LRP11: variants seen among roughly 807,000 people sequenced by gnomAD.
The protein encoded by LRP11 is low-density lipoprotein receptor-related protein 11.
LRP11 carries 25 observed loss-of-function variants against 43.1 expected under a neutral mutation model. The observed-to-expected ratio is 0.58, with a 90% CI of 0.42 to 0.81. LRP11 has a LOEUF of 0.81. Among genes scored for constraint, LRP11 ranks in the 30% least tolerant of loss-of-function variants. LRP11 has a pLI of 0.00. For missense variants in LRP11, 623 were observed against 665.1 expected, an observed-to-expected ratio of 0.94 and a Z score of 0.70; for synonymous variants, 316 against 299.4, an observed-to-expected ratio of 1.06 and a Z score of -0.57.
At chr6:149,861,243 C>T (rs1776888591) in intron 1 of LRP11, among the ~76,000 whole-genome samples, 1 of 152,152 alleles carries the variant, frequency 6.6e-6, no homozygotes, top group Non-Finnish European at 1.5e-5. Context: ...ACACACAGGA[C>T]ACTGGGGAAC....
At chr6:149,853,216 T>C (rs1776749717) in intron 1 of LRP11, 56 bp from the exon 2 acceptor site, 3 of 1,422,272 alleles carry the variant, frequency 2.1e-6, no homozygotes, top group Admixed American at 2.4e-5. Context: ...TTCTAATTTA[T>C]GGAGAGGTAT....
Position 149,863,591 on chromosome 6 carries a change from C to G in LRP11, c.430G>C (p.Val144Leu). The change falls in exon 1 of 7, where the codon GTG becomes CTG. Residue 144 changes from valine to leucine, a missense_variant. Val to Leu is a conservative substitution (Grantham distance 32). Coordinates refer to ENST00000239367, the MANE Select transcript of LRP11 (RefSeq NM_032832.6). ...GCGGGGCGCCGGGGCAGCTCCACCACGGCCACGGAGCAGCGCGGCTCGGAG... is the reference window on the plus strand; with the variant it reads ...GCGGGGCGCCGGGGCAGCTCCACCAGGGCCACGGAGCAGCGCGGCTCGGAG... The part of the protein sequence containing the change: ...CCSEPRCSVA[V>L]VELPRRPAPP... 4 of 1,426,070 alleles carry G rather than the reference C, an allele frequency of 2.8e-6. No individual in the cohort carries two copies. The highest frequency in any genetic ancestry group is 3.7e-6 in the Non-Finnish European group (4 of 1,094,986). 88.3% of individuals were successfully genotyped at this position (1,426,070 alleles called of 1,614,324 possible). A position where few individuals can be genotyped will look rare whatever the true frequency, so the allele number is the denominator to read the frequency against.
At chr6:149,848,554 AAAC>A (rs1409839194) in intron 2 of LRP11, among the ~76,000 whole-genome samples, 7 of 152,236 alleles carry the variant, frequency 4.6e-5, no homozygotes, top group African/African-American at 1.4e-4. Context: ...CAGCCATACA[AAAC>A]AACAAGATCA....
chr6:149,860,254 G>C (rs985047726), intron 1 of LRP11, among the ~76,000 whole-genome samples: 1 of 152,144 alleles, frequency 6.6e-6, no homozygotes, highest in Non-Finnish European at 1.5e-5. Flanking sequence ...CACAAGGCAA[G>C]GGGCCCACTT....
At chr6:149,841,573 T>A (rs1471997337) in intron 3 of LRP11, among the ~76,000 whole-genome samples, 3 of 152,196 alleles carry the variant, frequency 2.0e-5, no homozygotes, top group Non-Finnish European at 4.4e-5. Context: ...CTAAGTTCCA[T>A]GCAATGGATA....
intron 5 of LRP11, among the ~76,000 whole-genome samples, chr6:149,833,442 A>G (rs1776434534): frequency 6.6e-6 from 1 of 152,154 alleles, no homozygotes; most frequent in African/African-American, 2.4e-5. Flanking sequence ...GGACTTTCAA[A>G]AAGTGTGTTT....
chr6:149,849,936 A>G (rs1776694544), intron 2 of LRP11, among the ~76,000 whole-genome samples: 1 of 152,204 alleles, frequency 6.6e-6, no homozygotes, highest in South Asian at 2.1e-4. Flanking sequence ...TGGGCCCTAG[A>G]AGCTGATCTT....
intron 1 of LRP11, among the ~76,000 whole-genome samples, chr6:149,858,435 C>T (rs1440154515): frequency 1.3e-5 from 2 of 152,156 alleles, no homozygotes. Context: ...TTTCTTAATC[C>T]AGTCTATTAT....
In LRP11 at chr6:149,851,993, C is replaced by T. The variant is rs191544084; in HGVS notation, c.771+1010G>A. On this transcript the variant is annotated intron_variant, in intron 2 of 6. Coordinates refer to ENST00000239367, the MANE Select transcript of LRP11 (RefSeq NM_032832.6). ...ATACTTATAAAACCAGCAGATCTTG[C>T]GAGAACTCACTCACTATCATGAGAA... Among the ~76,000 whole-genome samples, 822 of 152,190 alleles carry T rather than the reference C, an allele frequency of 5.4e-3. 2 individuals carry two copies. Among genetic ancestry groups the T allele is most frequent in the Non-Finnish European group, 9.2e-3 (623 of 68,006 alleles).
rs566255442 is a variant in LRP11, at chr6:149,841,510, T to C, written c.913+1473A>G. ...ACCTTAGCACCTCTCCAGAAGTGAA[T>C]TGTGTGTGTGGTGAGGGGTTCCCTC... On this transcript the variant is annotated intron_variant, in intron 3 of 6. Coordinates refer to ENST00000239367, the MANE Select transcript of LRP11 (RefSeq NM_032832.6). 2.1e-4 allele frequency among the ~76,000 whole-genome samples: 32 copies of C among 152,288 alleles called. 2 individuals carry two copies. In the South Asian group the frequency reaches 6.4e-3, roughly 31 times the overall value.
At chr6:149,834,112 G>A (rs1269275848) in intron 5 of LRP11, among the ~76,000 whole-genome samples, 1 of 152,014 alleles carries the variant, frequency 6.6e-6, no homozygotes, top group Non-Finnish European at 1.5e-5. Flanking sequence ...CATTTCTAAC[G>A]TGAGGACATG....
intron 1 of LRP11, among the ~76,000 whole-genome samples, chr6:149,856,696 G>A (rs374081408): frequency 3.9e-5 from 6 of 152,284 alleles, no homozygotes; most frequent in South Asian, 2.1e-4. Flanking sequence ...GACTCCTGCC[G>A]ATTGAGAATG....
chr6:149,859,388 ATATATATATT>A (rs1776851710), intron 1 of LRP11, among the ~76,000 whole-genome samples: 1 of 76,822 alleles, frequency 1.3e-5, no homozygotes, highest in South Asian at 5.5e-4. Context: ...ATATATATAT[ATATATATATT>A]TTTTTTTTTT....
rs758516725 is a variant in LRP11 at position 149,863,844 on chromosome 6, C to T, written c.177G>A (p.Leu59=). The T allele has an allele frequency of 2.0e-6, 3 of 1,512,582 alleles. No individual in the cohort carries two copies. The highest frequency in any genetic ancestry group is 8.8e-7 in the Non-Finnish European group (1 of 1,139,150). 93.7% of individuals were successfully genotyped at this position (1,512,582 alleles called of 1,614,324 possible). Reference sequence around the variant, plus strand: ...GCTGCAGTTGCCGGCGGAACTCCTCCAGCAGCTGCTCCACGCCCGACAGCT... The same window carrying T: ...GCTGCAGTTGCCGGCGGAACTCCTCTAGCAGCTGCTCCACGCCCGACAGCT... ...HAQLSGVEQL[L]EEFRRQLQQE... Residue 59 remains leucine (L), a synonymous_variant, in exon 1 of 7, where the codon CTG becomes CTA. Transcript: ENST00000239367.
At chr6:149,840,735 C>T (rs958953) in intron 3 of LRP11, among the ~76,000 whole-genome samples, 63,833 of 152,038 alleles carry the variant, frequency 0.42, 14,399 homozygotes, top group East Asian at 0.81. Flanking sequence ...AGGTGAGTCC[C>T]GGTACCCAGG....
chr6:149,863,207 C>G (rs1393545699), intron 1 of LRP11, among the ~76,000 whole-genome samples: 1 of 152,218 alleles, frequency 6.6e-6, no homozygotes, highest in African/African-American at 2.4e-5. Context: ...ATTCCAGTAG[C>G]ACGTCACCGC....
chr6:149,863,593 G>T lies in LRP11; in HGVS notation c.428C>A (p.Ala143Asp). 7.0e-7 allele frequency: 1 copy of T among 1,429,700 alleles called. No individual in the cohort carries two copies. The highest frequency in any genetic ancestry group is 9.1e-7 in the Non-Finnish European group (1 of 1,096,882). 88.6% of individuals were successfully genotyped at this position (1,429,700 alleles called of 1,614,324 possible). The change falls in exon 1 of 7, where the codon GCC (alanine) becomes GAC (aspartate). Residue 143 changes from alanine (A) to aspartate (D), a missense_variant. Transcript: ENST00000239367. ...GGGGCGCCGGGGCAGCTCCACCACGGCCACGGAGCAGCGCGGCTCGGAGCA... is the reference window on the plus strand; with the variant it reads ...GGGGCGCCGGGGCAGCTCCACCACGTCCACGGAGCAGCGCGGCTCGGAGCA... The part of the protein sequence containing the change: ...ACCSEPRCSV[A>D]VVELPRRPAP...
intron 1 of LRP11, among the ~76,000 whole-genome samples, chr6:149,859,769 G>T (rs1167162986): frequency 6.6e-6 from 1 of 151,986 alleles, no homozygotes; most frequent in Admixed American, 6.6e-5. Flanking sequence ...TTCTTGATAT[G>T]AAGTTTTTTA....
intron 2 of LRP11, among the ~76,000 whole-genome samples, chr6:149,847,546 T>C (rs1269155259): frequency 6.6e-6 from 1 of 152,238 alleles, no homozygotes; most frequent in Non-Finnish European, 1.5e-5. Context: ...GGGTTTACAG[T>C]GTTTCACAGA....
Sources: gnomAD v4.1 joint callset for allele counts (sites outside exome capture counted in the v4.1 genomes callset) on GRCh38, gnomAD v4.1.1 for gene constraint, MANE v1.5 for transcripts, NCBI Gene and HGNC (gene_info 2026-07-23, HGNC 2026-07-21) for gene names.